COL23A1: variants seen among roughly 807,000 people sequenced by gnomAD.
COL23A1 encodes collagen alpha-1(XXIII) chain.
COL23A1 carries 97 observed loss-of-function variants against 99.3 expected under a neutral mutation model. That is an observed-to-expected ratio of 0.98 (90% CI 0.83 to 1.16). The LOEUF (loss-of-function observed/expected upper bound fraction) is 1.16. COL23A1 is among the 50% of genes most tolerant of loss of function. The pLI, the probability that COL23A1 is intolerant of heterozygous loss-of-function variation, is 0.00. For missense variants in COL23A1, 762 were observed against 757.4 expected, an observed-to-expected ratio of 1.01 and a Z score of -0.07; for synonymous variants, 320 against 308.2, an observed-to-expected ratio of 1.04 and a Z score of -0.40.
At chr5:178,357,991 C>T (rs546480495) in intron 2 of COL23A1, among the ~76,000 whole-genome samples, 2,119 of 117,858 alleles carry the variant, frequency 0.018, 63 homozygotes, top group Non-Finnish European at 0.027. Flanking sequence ...TGTGTGTATG[C>T]GTGTGTGTAT....
chr5:178,276,180 T>C (rs1436381495), intron 5 of COL23A1, among the ~76,000 whole-genome samples: 1 of 152,198 alleles, frequency 6.6e-6, no homozygotes, highest in Non-Finnish European at 1.5e-5. Context: ...TCTTGCTCTA[T>C]GTTAGGGAAA....
chr5:178,590,258 G>T lies in COL23A1; in HGVS notation c.-61C>A. ...GGTGCTGCTGGGGCAGAGGCTGGGT[G>T]CGAGAGGAGCAGGCGGGACAGCCCG... On this transcript the variant is annotated 5_prime_UTR_variant, in exon 1 of 29. Transcript: ENST00000390654. This position sits in a 1 kb window ranked among gnomAD's most constrained non-coding sequence, Gnocchi z 5.7. 1 of 1,185,460 alleles carries T rather than the reference G, an allele frequency of 8.4e-7. No homozygotes were observed. The highest frequency in any genetic ancestry group is 3.6e-5 in the East Asian group (1 of 27,812). The allele number at this position is 1,185,460 out of a possible 1,614,324, so 73.4% of individuals were successfully genotyped here.
intron 2 of COL23A1, among the ~76,000 whole-genome samples, chr5:178,490,760 C>T (rs189260290): frequency 6.6e-6 from 1 of 151,984 alleles, no homozygotes; most frequent in African/African-American, 2.4e-5. Context: ...CTGGGTGACA[C>T]AGCGAGACCC....
intron 1 of COL23A1, among the ~76,000 whole-genome samples, chr5:178,565,943 T>A (rs1456950139): frequency 7.0e-6 from 1 of 142,076 alleles, no homozygotes; most frequent in Non-Finnish European, 1.5e-5. Context: ...TGAAACCCCA[T>A]CTCTACTAAA....
At chr5:178,381,685 G>A (rs535932930) in intron 2 of COL23A1, among the ~76,000 whole-genome samples, 99 of 152,306 alleles carry the variant, frequency 6.5e-4, no homozygotes, top group Non-Finnish European at 1.2e-3. Flanking sequence ...GCCTACGCTG[G>A]AGTGCAGTGG....
At chr5:178,416,374 C>T (rs200904682) in intron 2 of COL23A1, among the ~76,000 whole-genome samples, 1 of 152,296 alleles carries the variant, frequency 6.6e-6, no homozygotes, top group Admixed American at 6.5e-5. Flanking sequence ...CGTGGCTGAC[C>T]GGAGCTCGGC....
chr5:178,417,665 G>C (rs1023373769), intron 2 of COL23A1, among the ~76,000 whole-genome samples: 6 of 152,216 alleles, frequency 3.9e-5, no homozygotes, highest in African/African-American at 9.6e-5. Flanking sequence ...AGCCCCGTCT[G>C]ATTAGACGGG....
At chr5:178,451,383 C>T (rs566577070) in intron 2 of COL23A1, among the ~76,000 whole-genome samples, 2 of 152,060 alleles carry the variant, frequency 1.3e-5, no homozygotes, top group South Asian at 2.1e-4. Flanking sequence ...AGGCTGGGCA[C>T]GGTGGCTCAC....
chr5:178,364,089 G>A (rs1028695009), intron 2 of COL23A1, among the ~76,000 whole-genome samples: 2 of 152,160 alleles, frequency 1.3e-5, no homozygotes, highest in African/African-American at 2.4e-5. Flanking sequence ...GTCCCGCCCC[G>A]GGTCACATGG....
chr5:178,371,995 G>A (rs1278110293), intron 2 of COL23A1, among the ~76,000 whole-genome samples: 2 of 152,360 alleles, frequency 1.3e-5, no homozygotes, highest in East Asian at 3.9e-4. Context: ...ATCCTTTCTA[G>A]ATTAGAGGCT....
intron 1 of COL23A1, among the ~76,000 whole-genome samples, chr5:178,565,517 C>G (rs1762798067): frequency 6.6e-6 from 1 of 152,090 alleles, no homozygotes; most frequent in Admixed American, 6.6e-5. Context: ...TTTTCCTGAC[C>G]CCTTTAAACG....
chr5:178,378,793 G>A (rs982042249), intron 2 of COL23A1, among the ~76,000 whole-genome samples: 3 of 152,134 alleles, frequency 2.0e-5, no homozygotes, highest in Admixed American at 6.5e-5. Context: ...AATGGAGACC[G>A]CTGGCAGGTG....
intron 3 of COL23A1, 85 bp from the exon 4 acceptor site, chr5:178,290,454 C>T (rs1757394814): frequency 1.3e-6 from 2 of 1,560,050 alleles, no homozygotes; most frequent in Admixed American, 1.7e-5. Context: ...CTCACCTGTC[C>T]TCAGCACGGC....
At chr5:178,249,716 A>ACTCACTCTCTCTCTCTCTCTCTCTCT in intron 18 of COL23A1, among the ~76,000 whole-genome samples, 1 of 92,808 alleles carries the variant, frequency 1.1e-5, no homozygotes, top group South Asian at 4.2e-4. Context: ...ACACACACAC[A>ACTCACTCTCTCTCTCTCTCTCTCTCT]CTCTCTCTCT....
Position 178,358,224 on chromosome 5 carries a change from A to ATGTG in COL23A1, c.362-51309_362-51306dup, listed in dbSNP as rs747443659. Among the ~76,000 whole-genome samples the ATGTG allele has an allele frequency of 1.6e-3, 85 of 53,444 alleles. 1 individual carries two copies. The highest frequency in any genetic ancestry group is 9.8e-3 in the South Asian group (9 of 918). 35.1% of individuals were successfully genotyped at this position (53,444 alleles called of 152,430 possible). On this transcript the variant is annotated intron_variant, in intron 2 of 28. Transcript: ENST00000390654. ...ATGTGTACGTGTGTATGTGTGTCTAATGTGTGTATGTGTGTATGTGTATGT... is the reference window on the plus strand; with the variant it reads ...ATGTGTACGTGTGTATGTGTGTCTAATGTGTGTGTGTATGTGTGTATGTGTATGT...
intron 2 of COL23A1, among the ~76,000 whole-genome samples, chr5:178,353,047 AG>A (rs773724184): frequency 6.6e-5 from 10 of 152,238 alleles, no homozygotes; most frequent in Non-Finnish European, 1.3e-4. Context: ...CTCCACTCTG[AG>A]GAATTCATCC....
chr5:178,436,507 C>T (rs1219998994), intron 2 of COL23A1, among the ~76,000 whole-genome samples: 1 of 152,186 alleles, frequency 6.6e-6, no homozygotes. Flanking sequence ...AGAACACCAA[C>T]TACGGTCCAA....
rs1758574831 is a variant in COL23A1, at chr5:178,309,885, C to T, written c.362-2966G>A. On this transcript the variant is annotated intron_variant, in intron 2 of 28. Transcript: ENST00000390654. This position sits in a 1 kb window ranked among gnomAD's most constrained non-coding sequence, Gnocchi z 4.7. ...CTCTGCATCTCAGGCAGCTCTGTGT[C>T]CCCAACTCCCACTGCAGGACACGAC... 6.6e-6 allele frequency among the ~76,000 whole-genome samples: 1 copy of T among 151,808 alleles called. No homozygotes were observed.
Position 178,329,562 on chromosome 5 carries a change from G to A in COL23A1, c.362-22643C>T, listed in dbSNP as rs76932740. The stretch of plus-strand genomic sequence containing the variant: ...TCCAAAAACGCCCCGCACCCACCAG[G>A]CTCTTAGGGACCCCGAGTCACACCT... On this transcript the variant is annotated intron_variant, in intron 2 of 28. Transcript: ENST00000390654. Among the ~76,000 whole-genome samples, 418 of 152,262 alleles carry A rather than the reference G, an allele frequency of 2.7e-3. 1 individual carries two copies. Among genetic ancestry groups the A allele is most frequent in the African/African-American group, 9.7e-3 (401 of 41,530 alleles).
Sources: gnomAD v4.1 joint callset for allele counts (sites outside exome capture counted in the v4.1 genomes callset) on GRCh38, gnomAD v4.1.1 for gene constraint, Gnocchi (gnomAD v3.1) non-coding constraint, MANE v1.5 for transcripts, NCBI Gene and HGNC (gene_info 2026-07-23, HGNC 2026-07-21) for gene names.